PACSIN1: variants seen among roughly 807,000 people sequenced by gnomAD.
PACSIN1 encodes the protein protein kinase C and casein kinase substrate in neurons 1.
In PACSIN1, 15 loss-of-function variants were observed where a neutral mutation model predicts 59.5. The observed-to-expected ratio is 0.25, with a 90% CI of 0.17 to 0.39. PACSIN1 has a LOEUF of 0.39. PACSIN1 is among the 10% of genes least tolerant of loss of function. PACSIN1 has a pLI of 1.00. For missense variants in PACSIN1, 420 were observed against 580.2 expected (o/e 0.72, Z 2.84); for synonymous variants, 210 against 220.6 (o/e 0.95, Z 0.42).
Position 34,532,355 on chromosome 6 carries a change from A to C in PACSIN1, c.1226-66A>C. On this transcript the variant is annotated intron_variant, in intron 9 of 9. Coordinates refer to ENST00000244458, the MANE Select transcript of PACSIN1 (RefSeq NM_020804.5). This position sits in a 1 kb window ranked among gnomAD's most constrained non-coding sequence, Gnocchi z 5.2. ...GAGGTGGGTATTGGAGGGTTCCCCTAGCAGCCGGTGCGTTGAGGGAGGGGC... is the reference window on the plus strand; with the variant it reads ...GAGGTGGGTATTGGAGGGTTCCCCTCGCAGCCGGTGCGTTGAGGGAGGGGC... The C allele has an allele frequency of 2.8e-6, 3 of 1,090,626 alleles. No individual in the cohort carries two copies. The highest frequency in any genetic ancestry group is 4.1e-6 in the Non-Finnish European group (3 of 731,464). 67.6% of individuals were successfully genotyped at this position (1,090,626 alleles called of 1,614,324 possible). A position where few individuals can be genotyped will look rare whatever the true frequency, so the allele number is the denominator to read the frequency against.
intron 1 of PACSIN1, among the ~76,000 whole-genome samples, chr6:34,500,596 G>A (rs902495873): frequency 2.0e-5 from 3 of 152,202 alleles, no homozygotes; most frequent in African/African-American, 7.2e-5. Context: ...AAGGGCCTTA[G>A]AATTTCAGGA....
chr6:34,509,780 T>A (rs570942200), intron 1 of PACSIN1, among the ~76,000 whole-genome samples: 1 of 151,262 alleles, frequency 6.6e-6, no homozygotes, highest in South Asian at 2.1e-4. Context: ...TTTCATCTCC[T>A]AGGTTAACTT....
At chr6:34,482,876 G>A (rs1386509647) in intron 1 of PACSIN1, among the ~76,000 whole-genome samples, 1 of 151,444 alleles carries the variant, frequency 6.6e-6, no homozygotes, top group East Asian at 1.9e-4. Context: ...TAGTAGAGAC[G>A]GGGTTTCACC....
intron 1 of PACSIN1, among the ~76,000 whole-genome samples, chr6:34,479,858 C>T (rs1242595491): frequency 6.6e-6 from 1 of 151,698 alleles, no homozygotes; most frequent in Non-Finnish European, 1.5e-5. Flanking sequence ...CAGAGTCTTG[C>T]TCTGTCACCC....
chr6:34,469,358 T>G (rs1438328371), intron 1 of PACSIN1, among the ~76,000 whole-genome samples: 3 of 152,156 alleles, frequency 2.0e-5, no homozygotes. Flanking sequence ...CCATGGGCAC[T>G]TCGTAACTGA....
intron 1 of PACSIN1, among the ~76,000 whole-genome samples, chr6:34,500,162 C>T (rs1046061855): frequency 6.6e-5 from 10 of 152,166 alleles, no homozygotes; most frequent in Admixed American, 3.9e-4. Context: ...TGTTCAACAT[C>T]TCTGATCATT....
chr6:34,487,331 G>C (rs899673056), intron 1 of PACSIN1, among the ~76,000 whole-genome samples: 1 of 152,310 alleles, frequency 6.6e-6, no homozygotes, highest in Admixed American at 6.5e-5. Context: ...TCTTCTGACT[G>C]TCAGGATCAG....
chr6:34,479,733 G>A (rs1198483988), intron 1 of PACSIN1, among the ~76,000 whole-genome samples: 2 of 152,104 alleles, frequency 1.3e-5, no homozygotes, highest in Admixed American at 6.5e-5. Flanking sequence ...TGGGATTACA[G>A]GCAGGAGCCA....
At chr6:34,476,790 C>T (rs887708440) in intron 1 of PACSIN1, among the ~76,000 whole-genome samples, 15 of 151,876 alleles carry the variant, frequency 9.9e-5, no homozygotes, top group African/African-American at 2.6e-4. Flanking sequence ...GGGCCGGGGG[C>T]GGGTGGCAAA....
At chr6:34,483,399 C>G (rs993165425) in intron 1 of PACSIN1, among the ~76,000 whole-genome samples, 1 of 152,170 alleles carries the variant, frequency 6.6e-6, no homozygotes, top group East Asian at 1.9e-4. Context: ...ACCAACCTTG[C>G]CCAGTCCCTT....
chr6:34,505,753 C>T (rs901405404), intron 1 of PACSIN1, among the ~76,000 whole-genome samples: 1 of 151,858 alleles, frequency 6.6e-6, no homozygotes, highest in East Asian at 1.9e-4. Context: ...GTATCTCAGC[C>T]TCCCCGGTAG....
rs1767465422 is a variant in PACSIN1, at chr6:34,525,495, T to TC, written c.-63-744dup. ...ACTGCAGTGCAGAAGCAGGGAGGTG[T>TC]CCCCTGGTGCCGGGATCCAGCTAGA... On this transcript the variant is annotated intron_variant, in intron 1 of 9. Coordinates refer to ENST00000244458, the MANE Select transcript of PACSIN1 (RefSeq NM_020804.5). The surrounding 1 kb of genome is among the most constrained non-coding windows in gnomAD (Gnocchi z 4.9). 6.6e-6 allele frequency among the ~76,000 whole-genome samples: 1 copy of TC among 152,198 alleles called. No homozygotes were observed. The highest frequency in any genetic ancestry group is 2.4e-5 in the African/African-American group (1 of 41,452).
At chr6:34,491,336 CCAATTCGGGAGCTCTTGTCCCTG>C (rs1766873482) in intron 1 of PACSIN1, among the ~76,000 whole-genome samples, 1 of 152,172 alleles carries the variant, frequency 6.6e-6, no homozygotes, top group Non-Finnish European at 1.5e-5. Context: ...CCCAGCCTCT[CCAATTCGGGAGCTCTTGTCCCTG>C]CAGTGCGGTC....
In PACSIN1 at chr6:34,527,100, G is replaced by C. The variant is rs113995157; in HGVS notation, c.64-232G>C. ...GAAATCATGTTTAAATTGGGGTGAG[G>C]GTGCGTGTAGACGGCGGGGCCTGAG... On this transcript the variant is annotated intron_variant, in intron 2 of 9. Coordinates refer to ENST00000244458, the MANE Select transcript of PACSIN1 (RefSeq NM_020804.5). Among the ~76,000 whole-genome samples the C allele has an allele frequency of 6.2e-3, 945 of 152,108 alleles. 11 individuals are homozygous for C. The highest frequency in any genetic ancestry group is 0.019 in the African/African-American group (773 of 41,466).
In PACSIN1 at chr6:34,531,886, G is replaced by T. The variant is rs1767602936; in HGVS notation, c.1225+99G>T. 3.4e-6 allele frequency: 4 copies of T among 1,168,972 alleles called. No individual in the cohort carries two copies. Among genetic ancestry groups the T allele is most frequent in the African/African-American group, 3.2e-5 (2 of 62,748 alleles). The allele number at this position is 1,168,972 out of a possible 1,614,324, so 72.4% of individuals were successfully genotyped here. On this transcript the variant is annotated intron_variant, in intron 9 of 9. Transcript: ENST00000244458. This position sits in a 1 kb window ranked among gnomAD's most constrained non-coding sequence, Gnocchi z 4.4. The stretch of plus-strand genomic sequence containing the variant: ...TGCCTGAGAGAGAAGCTTGGGTCTG[G>T]ATTGGGTGTGTGGTGGTGCAGGGGC...
chr6:34,511,913 A>C (rs1174353641), intron 1 of PACSIN1, among the ~76,000 whole-genome samples: 1 of 151,936 alleles, frequency 6.6e-6, no homozygotes, highest in Admixed American at 6.6e-5. Flanking sequence ...AGGAGTAGGC[A>C]TCTCCTAGGG....
Position 34,530,166 on chromosome 6 carries a change from C to T in PACSIN1, c.789-77C>T. Reference sequence around the variant, plus strand: ...CCAGCACCCTGCTTCCCTGAGTGGACTCTGGCCTCTCACCAAGGTTGAGGA... The same window carrying T: ...CCAGCACCCTGCTTCCCTGAGTGGATTCTGGCCTCTCACCAAGGTTGAGGA... On this transcript the variant is annotated intron_variant, in intron 6 of 9. Coordinates refer to ENST00000244458, the MANE Select transcript of PACSIN1 (RefSeq NM_020804.5). This position sits in a 1 kb window ranked among gnomAD's most constrained non-coding sequence, Gnocchi z 4.4. 1.3e-6 allele frequency: 2 copies of T among 1,515,154 alleles called. No homozygotes were observed. The highest frequency in any genetic ancestry group is 1.8e-6 in the Non-Finnish European group (2 of 1,125,174). The allele number at this position is 1,515,154 out of a possible 1,614,324, so 93.9% of individuals were successfully genotyped here.
In PACSIN1 at chr6:34,518,166, C is replaced by T. The variant is rs1406932468; in HGVS notation, c.-63-8077C>T. 6.6e-6 allele frequency among the ~76,000 whole-genome samples: 1 copy of T among 152,254 alleles called. No homozygotes were observed. The highest frequency in any genetic ancestry group is 6.5e-5 in the Admixed American group (1 of 15,294). ...GCCCCGGAAGAGGGCAAGCTGCATG[C>T]ATCCCACCCCAAGCCACTGAAGCGG... On this transcript the variant is annotated intron_variant, in intron 1 of 9. Transcript: ENST00000244458. This position sits in a 1 kb window ranked among gnomAD's most constrained non-coding sequence, Gnocchi z 4.4.
intron 1 of PACSIN1, among the ~76,000 whole-genome samples, chr6:34,495,008 G>A (rs1461808297): frequency 2.0e-5 from 3 of 152,078 alleles, no homozygotes; most frequent in African/African-American, 4.8e-5. Flanking sequence ...TCAGTTCAAG[G>A]CGCCTCACTC....
Sources: gnomAD v4.1 joint callset for allele counts (sites outside exome capture counted in the v4.1 genomes callset) on GRCh38, gnomAD v4.1.1 for gene constraint, Gnocchi (gnomAD v3.1) non-coding constraint, MANE v1.5 for transcripts, NCBI Gene and HGNC (gene_info 2026-07-23, HGNC 2026-07-21) for gene names.